Variants in NXPH1 observed in about 807,000 individuals in gnomAD.
NXPH1 encodes the protein neurexophilin-1.
NXPH1 carries 5 observed loss-of-function variants against 23.7 expected under a neutral mutation model. That is an observed-to-expected ratio of 0.21 (90% CI 0.11 to 0.44). NXPH1 has a LOEUF of 0.44. Among genes scored for constraint, NXPH1 ranks in the 20% least tolerant of loss-of-function variants. The pLI is 0.99. For synonymous variants in NXPH1, 144 were observed against 122.2 expected (o/e 1.18, Z -1.18); for missense variants, 324 against 321.6 (o/e 1.01, Z -0.06).
At chr7:8,676,248 C>T (rs568352658) in intron 2 of NXPH1, among the ~76,000 whole-genome samples, 1 of 152,220 alleles carries the variant, frequency 6.6e-6, no homozygotes, top group Admixed American at 6.5e-5. Flanking sequence ...CTATTGTGTG[C>T]AATAATGTAA....
At chr7:8,569,225 C>T (rs1210734450) in intron 2 of NXPH1, among the ~76,000 whole-genome samples, 1 of 151,744 alleles carries the variant, frequency 6.6e-6, no homozygotes, top group Admixed American at 6.6e-5. Context: ...AGCTTCTACA[C>T]CTAGCTACCA....
At position 8,628,370 on chromosome 7, in the gene NXPH1, G is replaced by GT. The variant is rs5882180; in HGVS notation, c.55-122623dup. Among the ~76,000 whole-genome samples the GT allele has an allele frequency of 9.9e-3, 1,340 of 135,278 alleles. 17 individuals are homozygous for GT. Among genetic ancestry groups the GT allele is most frequent in the African/African-American group, 0.029 (1,113 of 38,012 alleles). 88.7% of individuals were successfully genotyped at this position (135,278 alleles called of 152,430 possible). ...ACATTAGAACATTTTATGCATAGGTGTTTTTTTTTTTTTTTAGATAATGTA... is the reference window on the plus strand; with the variant it reads ...ACATTAGAACATTTTATGCATAGGTGTTTTTTTTTTTTTTTTAGATAATGTA... On this transcript the variant is annotated intron_variant, in intron 2 of 2. Coordinates refer to ENST00000405863, the MANE Select transcript of NXPH1 (RefSeq NM_152745.3).
intron 2 of NXPH1, among the ~76,000 whole-genome samples, chr7:8,517,872 T>C (rs1584206339): frequency 6.6e-6 from 1 of 152,076 alleles, no homozygotes; most frequent in Non-Finnish European, 1.5e-5. Context: ...CCGTTAGGAG[T>C]GAACAGAGTT....
intron 2 of NXPH1, among the ~76,000 whole-genome samples, chr7:8,475,081 G>C (rs1486548096): frequency 6.6e-6 from 1 of 152,102 alleles, no homozygotes; most frequent in East Asian, 1.9e-4. Flanking sequence ...GGTGGGAAGA[G>C]GGTGTTGAGA....
At chr7:8,684,249 C>A (rs754026113) in intron 2 of NXPH1, among the ~76,000 whole-genome samples, 7 of 152,158 alleles carry the variant, frequency 4.6e-5, no homozygotes, top group Admixed American at 6.6e-5. Context: ...CGTGAGGCAC[C>A]TTTGCCATTA....
chr7:8,712,363 C>CG (rs1162544958), intron 2 of NXPH1, among the ~76,000 whole-genome samples: 4 of 152,170 alleles, frequency 2.6e-5, no homozygotes, highest in Admixed American at 6.5e-5. Flanking sequence ...ATCCTGATCT[C>CG]ACCAGATTTC....
At chr7:8,677,712 T>C (rs1820974148) in intron 2 of NXPH1, among the ~76,000 whole-genome samples, 1 of 152,170 alleles carries the variant, frequency 6.6e-6, no homozygotes, top group South Asian at 2.1e-4. Flanking sequence ...TAAAAGGAAA[T>C]GCAAATGCAT....
intron 2 of NXPH1, among the ~76,000 whole-genome samples, chr7:8,567,727 G>T (rs1463152341): frequency 1.3e-5 from 2 of 151,870 alleles, no homozygotes; most frequent in African/African-American, 4.8e-5. Context: ...TCTGAGGTTA[G>T]TTTCCTGCTA....
At chr7:8,436,304 C>T (rs533204010) in intron 2 of NXPH1, among the ~76,000 whole-genome samples, 1 of 152,306 alleles carries the variant, frequency 6.6e-6, no homozygotes, top group Admixed American at 6.5e-5. Flanking sequence ...AGGGGTACTG[C>T]AAGCAATCGG....
rs185954742 is a variant in NXPH1 at position 8,495,213 on chromosome 7, A to G, written c.54+59446A>G. Among the ~76,000 whole-genome samples, 85 of 152,030 alleles carry G rather than the reference A, an allele frequency of 5.6e-4. No homozygotes were observed. In the Middle Eastern group the frequency reaches 0.02, roughly 37 times the overall value. On this transcript the variant is annotated intron_variant, in intron 2 of 2. Transcript: ENST00000405863. ...GCCTGCCTACTAGGATTGATGTTGC[A>G]GTCTTGAATCTCAAGGTAGTCTGGT...
At chr7:8,443,707 AATGCAGACGAATGGGGG>A (rs554554021) in intron 2 of NXPH1, among the ~76,000 whole-genome samples, 131 of 152,314 alleles carry the variant, frequency 8.6e-4, no homozygotes, top group African/African-American at 3.1e-3. Context: ...GCTCGCCTTT[AATGCAGACGAATGGGGG>A]ATGCAGCCTC....
chr7:8,714,566 A>G (rs1165005342), intron 2 of NXPH1, among the ~76,000 whole-genome samples: 1 of 151,862 alleles, frequency 6.6e-6, no homozygotes, highest in Non-Finnish European at 1.5e-5. Context: ...AAGCCAGCAT[A>G]TATCTGTGTC....
intron 2 of NXPH1, among the ~76,000 whole-genome samples, chr7:8,465,046 G>A (rs1479320325): frequency 1.3e-5 from 2 of 152,162 alleles, no homozygotes; most frequent in Non-Finnish European, 1.5e-5. Context: ...CTATTAAGAG[G>A]CGGATATAGA....
chr7:8,728,203 T>C (rs1780088850), intron 2 of NXPH1, among the ~76,000 whole-genome samples: 1 of 152,248 alleles, frequency 6.6e-6, no homozygotes, highest in Non-Finnish European at 1.5e-5. Flanking sequence ...CCTGAGACTT[T>C]GCTGAAGTTG....
intron 2 of NXPH1, among the ~76,000 whole-genome samples, chr7:8,513,976 T>G (rs1419876074): frequency 6.6e-6 from 1 of 152,102 alleles, no homozygotes; most frequent in African/African-American, 2.4e-5. Context: ...CTCCTTGGCT[T>G]GTAGAGGACC....
chr7:8,582,235 C>T (rs1818892392), intron 2 of NXPH1, among the ~76,000 whole-genome samples: 1 of 152,186 alleles, frequency 6.6e-6, no homozygotes, highest in Non-Finnish European at 1.5e-5. Flanking sequence ...GTGTCATAGC[C>T]CTGGCTCTGA....
chr7:8,655,662 T>G (rs1021140539), intron 2 of NXPH1, among the ~76,000 whole-genome samples: 7 of 152,134 alleles, frequency 4.6e-5, no homozygotes, highest in African/African-American at 1.7e-4. Flanking sequence ...ATTTTCTTCA[T>G]AGGATACTGC....
At chr7:8,644,818 T>G (rs905154889) in intron 2 of NXPH1, among the ~76,000 whole-genome samples, 1 of 152,182 alleles carries the variant, frequency 6.6e-6, no homozygotes, top group Non-Finnish European at 1.5e-5. Context: ...TGGTAACCAC[T>G]CTCTTAAATT....
intron 2 of NXPH1, among the ~76,000 whole-genome samples, chr7:8,552,114 C>CAAAAAAAAAAAAAAAAAAAAAA (rs34390317): frequency 3.2e-5 from 2 of 61,748 alleles, no homozygotes; most frequent in Non-Finnish European, 6.7e-5. Flanking sequence ...GAAAAAAAAC[C>CAAAAAAAAAAAAAAAAAAAAAA]AAAAAAAAAA....
Sources: allele counts gnomAD v4.1 joint callset (sites outside exome capture counted in the v4.1 genomes callset), GRCh38; gene constraint gnomAD v4.1.1; transcripts MANE v1.5; gene names NCBI Gene and HGNC (gene_info 2026-07-23, HGNC 2026-07-21).